Variants in DSP observed in about 807,000 individuals in gnomAD.
DSP encodes the protein 250/210 kDa paraneoplastic pemphigus antigen.
DSP carries 114 observed loss-of-function variants against 290.6 expected under a neutral mutation model. The ratio of observed to expected loss-of-function variants is 0.39; its 90% CI spans 0.34 to 0.46. The LOEUF (loss-of-function observed/expected upper bound fraction) is 0.46. Among genes scored for constraint, DSP ranks in the 20% least tolerant of loss-of-function variants. The probability of loss-of-function intolerance (pLI) is 0.99; values close to 1 mark genes in which losing one functional copy is unlikely to be tolerated. For missense variants in DSP, 3,230 were observed against 3,495.8 expected, an observed-to-expected ratio of 0.92 and a Z score of 1.92; for synonymous variants, 1,311 against 1,316.4, an observed-to-expected ratio of 1.00 and a Z score of 0.09.
At chr6:7,544,258 A>G (rs2113635191) in intron 1 of DSP, among the ~76,000 whole-genome samples, 1 of 152,226 alleles carries the variant, frequency 6.6e-6, no homozygotes, top group Admixed American at 6.5e-5. Flanking sequence ...GCGTTTTCAA[A>G]TAATAGCGAC....
chr6:7,544,670 C>T (rs1418866980), intron 1 of DSP, among the ~76,000 whole-genome samples: 1 of 152,110 alleles, frequency 6.6e-6, no homozygotes, highest in African/African-American at 2.4e-5. Context: ...GGGCCCAACT[C>T]TTAGTTTTCC....
chr6:7,585,390 G>A lies in DSP; in HGVS notation c.8128G>A (p.Ala2710Thr). ...GVKGKKKMSA[A>T]EAVKEKWLPY... The stretch of plus-strand genomic sequence containing the variant: ...GAAGGGAAAGAAGAAGATGTCAGCA[G>A]CAGAGGCAGTGAAAGAAAAATGGCT... The change falls in exon 24 of 24, where the codon GCA becomes ACA. Residue 2710 changes from alanine to threonine, a missense_variant. By Grantham distance (58) the Ala-to-Thr change is moderately conservative (BLOSUM62 0). Around this residue, in one of 5 missense-constraint regions of DSP, gnomAD observed 582 missense variants for 555.4 expected, o/e 1.05. Transcript: ENST00000379802. The A allele has an allele frequency of 6.2e-7, 1 of 1,614,170 alleles. No individual in the cohort carries two copies. Among genetic ancestry groups the A allele is most frequent in the Non-Finnish European group, 8.5e-7 (1 of 1,180,008 alleles).
chr6:7,585,844 C>T lies in DSP; in HGVS notation c.8582C>T (p.Ser2861Phe), dbSNP rs1269834512. The T allele has an allele frequency of 6.2e-7, 1 of 1,614,018 alleles. No individual in the cohort carries two copies. The highest frequency in any genetic ancestry group is 1.7e-5 in the Admixed American group (1 of 60,002). The change falls in exon 24 of 24, where the codon TCC (serine) becomes TTC (phenylalanine). Residue 2861 changes from serine to phenylalanine, a missense_variant. By Grantham distance (155) the Ser-to-Phe change is radical. Around this residue, in one of 5 missense-constraint regions of DSP, gnomAD observed 582 missense variants for 555.4 expected, o/e 1.05. Transcript: ENST00000379802. ...ACAGGGAATTCTTCCTACTCTTATT[C>T]CTACTCATTTAGCAGTAGTTCTATT... is the stretch of plus-strand genomic sequence containing the variant. Reference protein sequence around the residue: ...DATGNSSYSYSYSFSSSSIGH With the variant: ...DATGNSSYSYFYSFSSSSIGH
rs1274280456 is a variant in DSP at position 7,562,723 on chromosome 6, C to T, written c.669C>T (p.Gly223=). The T allele has an allele frequency of 6.2e-7, 1 of 1,614,156 alleles. No individual in the cohort carries two copies. ...AGCAGCACATTAACAGCCACCGGGG[C>T]ATCCACAACTCCATCGGCGACTATC... ...SVEQHINSHR[G]IHNSIGDYRW... is the part of the protein sequence containing the mutation. Residue 223 remains glycine, a synonymous_variant, in exon 5 of 24, where the codon GGC becomes GGT. Coordinates refer to ENST00000379802, the MANE Select transcript of DSP (RefSeq NM_004415.4).
Position 7,579,572 on chromosome 6 carries a change from G to T in DSP, c.3382G>T (p.Val1128Leu). Residue 1128 changes from valine (V) to leucine (L), a missense_variant, in exon 23 of 24, where the codon GTG (valine) becomes TTG (leucine). Transcript: ENST00000379802. The surrounding 1 kb of genome is among the most constrained non-coding windows in gnomAD (Gnocchi z 4.1). ...AGATGAAAAGAGAAGAAGAAAATCTGTGGAAGACAGATTTGACCAACAGAA... is the reference window on the plus strand; with the variant it reads ...AGATGAAAAGAGAAGAAGAAAATCTTTGGAAGACAGATTTGACCAACAGAA... ...IEDEKRRRKS[V>L]EDRFDQQKND... 6.2e-7 allele frequency: 1 copy of T among 1,613,938 alleles called. No homozygotes were observed. The highest frequency in any genetic ancestry group is 8.5e-7 in the Non-Finnish European group (1 of 1,180,036).
Position 7,559,203 on chromosome 6 carries a change from T to A in DSP, c.423-23T>A, listed in dbSNP as rs111310626. On this transcript the variant is annotated intron_variant, in intron 3 of 23. Coordinates refer to ENST00000379802, the MANE Select transcript of DSP (RefSeq NM_004415.4). ...TTCATAGGCTGTTTTCCTGCAGTGG[T>A]TTAAAGGTTTTTTTCTTTGCAGGCT... 5.5e-3 allele frequency: 8,895 copies of A among 1,613,410 alleles called. 391 individuals carry two copies. The African/African-American group carries it at 0.099, about 18-fold the overall frequency.
rs751579763 is a variant in DSP at position 7,574,674 on chromosome 6, C to A, written c.2315C>A (p.Ala772Glu). ...GYLNSLCTVR[A>E]LLQAILQTED... is the part of the protein sequence containing the mutation. Reference sequence around the variant, plus strand: ...CTTTCCAGCTTATGCACAGTAAGGGCACTGCTCCAGGCTATTCTCCAAACA... The same window carrying A: ...CTTTCCAGCTTATGCACAGTAAGGGAACTGCTCCAGGCTATTCTCCAAACA... The change falls in exon 17 of 24, where the codon GCA (alanine) becomes GAA (glutamate). Residue 772 changes from alanine to glutamate, a missense_variant. Physicochemically the swap from Ala to Glu is moderately radical, Grantham distance 107. Transcript: ENST00000379802. The A allele has an allele frequency of 6.2e-7, 1 of 1,614,022 alleles. No individual in the cohort carries two copies. Among genetic ancestry groups the A allele is most frequent in the Non-Finnish European group, 8.5e-7 (1 of 1,179,950 alleles).
rs1759554027 is a variant in DSP, at chr6:7,584,224, T to C, written c.6962T>C (p.Val2321Ala). 6.2e-7 allele frequency: 1 copy of C among 1,614,174 alleles called. No homozygotes were observed. The highest frequency in any genetic ancestry group is 8.5e-7 in the Non-Finnish European group (1 of 1,180,026). ...PVEEAYKRGL[V>A]GIEFKEKLLS... ...GAGGAAGCCTACAAGAGAGGTCTGGTGGGCATTGAGTTCAAAGAGAAGCTC... is the reference window on the plus strand; with the variant it reads ...GAGGAAGCCTACAAGAGAGGTCTGGCGGGCATTGAGTTCAAAGAGAAGCTC... Residue 2321 changes from valine (V) to alanine (A), a missense_variant, in exon 24 of 24, where the codon GTG becomes GCG. Physicochemically the swap from Val to Ala is moderately conservative, Grantham distance 64. Transcript: ENST00000379802. This position sits in a 1 kb window ranked among gnomAD's most constrained non-coding sequence, Gnocchi z 6.4.
chr6:7,568,285 A>G (rs776066445), intron 10 of DSP, 152 bp from the exon 11 acceptor site: 4 of 872,640 alleles, frequency 4.6e-6, no homozygotes, highest in African/African-American at 3.3e-5. Flanking sequence ...AAAGGTTCTC[A>G]TGTTTCCTGC....
chr6:7,562,588 C>T (rs1023269451), intron 4 of DSP, 64 bp from the exon 5 acceptor site: 8 of 1,610,064 alleles, frequency 5.0e-6, no homozygotes, highest in African/African-American at 1.3e-5. Context: ...TGATGGTGTG[C>T]GTAAGTGAAA....
rs372569211 is a variant in DSP, at chr6:7,585,434, G to T, written c.8172G>T (p.Gln2724His). The change falls in exon 24 of 24, where the codon CAG (glutamine) becomes CAT (histidine). Residue 2724 changes from glutamine (Q) to histidine (H), a missense_variant. By Grantham distance (24) the Gln-to-His change is conservative. Around this residue, in one of 5 missense-constraint regions of DSP, gnomAD observed 582 missense variants for 555.4 expected, o/e 1.05. Coordinates refer to ENST00000379802, the MANE Select transcript of DSP (RefSeq NM_004415.4). The stretch of plus-strand genomic sequence containing the variant: ...AATGGCTCCCGTATGAGGCTGGCCA[G>T]CGCTTCCTGGAGTTCCAGTACCTCA... ...KEKWLPYEAG[Q>H]RFLEFQYLTG... 20 of 1,614,176 alleles carry T rather than the reference G, an allele frequency of 1.2e-5. No individual in the cohort carries two copies. The African/African-American group carries it at 1.9e-4, about 15-fold the overall frequency.
chr6:7,573,055 C>T (rs1193278981), intron 15 of DSP, among the ~76,000 whole-genome samples: 1 of 151,882 alleles, frequency 6.6e-6, no homozygotes, highest in Non-Finnish European at 1.5e-5. Context: ...CTGCAGGGAG[C>T]TATGATTGTA....
chr6:7,572,366 G>A (rs1017803937), intron 15 of DSP, among the ~76,000 whole-genome samples: 2 of 152,220 alleles, frequency 1.3e-5, no homozygotes, highest in South Asian at 4.1e-4. Flanking sequence ...TAGACAGGGG[G>A]AATGATCTTT....
intron 1 of DSP, among the ~76,000 whole-genome samples, chr6:7,545,723 G>GGT (rs1194196295): frequency 6.6e-6 from 1 of 152,192 alleles, no homozygotes; most frequent in African/African-American, 2.4e-5. Flanking sequence ...TTCACAAGGA[G>GGT]GTGAGAGAAC....
rs758152190 is a variant in DSP, at chr6:7,583,865, T to G, written c.6603T>G (p.Leu2201=). ...AACCACATACTGGTCTGCTCTTGCT[T>G]TCAGTACAGAAGAGAAGCATGTCCT... is the stretch of plus-strand genomic sequence containing the variant. ...RIEPHTGLLL[L]SVQKRSMSFQ... is the part of the protein sequence containing the mutation. Residue 2201 remains leucine (L), a synonymous_variant, in exon 24 of 24, where the codon CTT becomes CTG. Coordinates refer to ENST00000379802, the MANE Select transcript of DSP (RefSeq NM_004415.4). The surrounding 1 kb of genome is among the most constrained non-coding windows in gnomAD (Gnocchi z 4.0). 3 of 1,614,144 alleles carry G rather than the reference T, an allele frequency of 1.9e-6. No homozygotes were observed. Among genetic ancestry groups the G allele is most frequent in the Non-Finnish European group, 2.5e-6 (3 of 1,180,008 alleles).
At chr6:7,581,601 G>A in intron 23 of DSP, 32 bp downstream of exon 23, 1 of 1,609,144 alleles carries the variant, frequency 6.2e-7, no homozygotes, top group Non-Finnish European at 8.5e-7. Flanking sequence ...CAGCTTCACT[G>A]TTTCTCAAAT....
rs1226130757 is a variant in DSP, at chr6:7,584,241, G to C, written c.6979G>C (p.Glu2327Gln). The change falls in exon 24 of 24, where the codon GAG becomes CAG. Residue 2327 changes from glutamate (E) to glutamine (Q), a missense_variant. Transcript: ENST00000379802. This position sits in a 1 kb window ranked among gnomAD's most constrained non-coding sequence, Gnocchi z 6.4. ...KRGLVGIEFK[E>Q]KLLSAERAVT... is the part of the protein sequence containing the mutation. ...AGGTCTGGTGGGCATTGAGTTCAAA[G>C]AGAAGCTCCTGTCTGCAGAACGAGC... 1 of 1,614,184 alleles carries C rather than the reference G, an allele frequency of 6.2e-7. No individual in the cohort carries two copies. Among genetic ancestry groups the C allele is most frequent in the East Asian group, 2.2e-5 (1 of 44,872 alleles).
chr6:7,550,401 C>T (rs1227227651), intron 1 of DSP, among the ~76,000 whole-genome samples: 1 of 152,098 alleles, frequency 6.6e-6, no homozygotes, highest in Non-Finnish European at 1.5e-5. Context: ...ACATGTAAAG[C>T]TAATGCCTTA....
Position 7,585,399 on chromosome 6 carries a change from G to A in DSP, c.8137G>A (p.Val2713Met), listed in dbSNP as rs1219478425. The A allele has an allele frequency of 2.5e-6, 4 of 1,614,086 alleles. No homozygotes were observed. In the African/African-American group the frequency reaches 4.0e-5, roughly 16 times the overall value. ...GAAGAAGATGTCAGCAGCAGAGGCA[G>A]TGAAAGAAAAATGGCTCCCGTATGA... Reference protein sequence around the residue: ...GKKKMSAAEAVKEKWLPYEAG... With the variant: ...GKKKMSAAEAMKEKWLPYEAG... The change falls in exon 24 of 24, where the codon GTG (valine) becomes ATG (methionine). Residue 2713 changes from valine to methionine, a missense_variant. Physicochemically the swap from Val to Met is conservative, Grantham distance 21 (BLOSUM62 1). Transcript: ENST00000379802.
Sources: gnomAD v4.1 joint callset for allele counts (sites outside exome capture counted in the v4.1 genomes callset) on GRCh38, gnomAD v4.1.1 for gene constraint, gnomAD v4.1.1 regional missense constraint, Gnocchi (gnomAD v3.1) non-coding constraint, MANE v1.5 for transcripts, NCBI Gene and HGNC (gene_info 2026-07-23, HGNC 2026-07-21) for gene names.